Variants in ITGA9 observed in about 807,000 individuals in gnomAD.
ITGA9 encodes integrin subunit alpha 9.
In ITGA9, 56 loss-of-function variants were observed where a neutral mutation model predicts 127.8. The ratio of observed to expected loss-of-function variants is 0.44; its 90% CI spans 0.35 to 0.55. The LOEUF (loss-of-function observed/expected upper bound fraction) is 0.55. Ranked by LOEUF, ITGA9 falls within the 20% of genes least tolerant of loss-of-function variation. ITGA9 has a pLI of 0.00. For synonymous variants in ITGA9, 508 were observed against 514.5 expected, an observed-to-expected ratio of 0.99 and a Z score of 0.17; for missense variants, 1,196 against 1,347.1, an observed-to-expected ratio of 0.89 and a Z score of 1.76.
chr3:37,542,417 A>T lies in ITGA9; in HGVS notation c.1529-8A>T. The T allele has an allele frequency of 6.2e-7, 1 of 1,613,124 alleles. No homozygotes were observed. On this transcript the variant is annotated splice_polypyrimidine_tract_variant and splice_region_variant and intron_variant, in intron 14 of 27. Transcript: ENST00000264741. Reference sequence around the variant, plus strand: ...TTTCTGACATTTTGACCTCTCATTTATTGGCAGGCCTGAATTATGTTCTGA... The same window carrying T: ...TTTCTGACATTTTGACCTCTCATTTTTTGGCAGGCCTGAATTATGTTCTGA...
intron 4 of ITGA9, among the ~76,000 whole-genome samples, chr3:37,489,509 G>A (rs981348732): frequency 6.6e-5 from 10 of 152,028 alleles, no homozygotes; most frequent in African/African-American, 2.4e-4. Flanking sequence ...TAAGTTTCTG[G>A]CTTTATGCAC....
intron 1 of ITGA9, among the ~76,000 whole-genome samples, chr3:37,467,786 TC>T (rs1698387245): frequency 6.6e-6 from 1 of 152,104 alleles, no homozygotes; most frequent in Non-Finnish European, 1.5e-5. Context: ...TATTTTATGC[TC>T]CCCAGGTCTT....
At chr3:37,537,362 C>T (rs1041646571) in intron 14 of ITGA9, among the ~76,000 whole-genome samples, 26 of 152,272 alleles carry the variant, frequency 1.7e-4, no homozygotes, top group Admixed American at 6.5e-4. Context: ...CAGGCTCCCT[C>T]CGATGCTCCA....
intron 18 of ITGA9, among the ~76,000 whole-genome samples, chr3:37,685,838 C>A (rs1402918270): frequency 6.6e-6 from 1 of 152,148 alleles, no homozygotes; most frequent in East Asian, 1.9e-4. Flanking sequence ...AGAGCTGACC[C>A]CACTCTGTCA....
chr3:37,776,760 A>G (rs1211558162), intron 23 of ITGA9, among the ~76,000 whole-genome samples: 1 of 152,172 alleles, frequency 6.6e-6, no homozygotes, highest in Non-Finnish European at 1.5e-5. Flanking sequence ...GAGCTCGGCA[A>G]GCATGCAGGT....
At chr3:37,454,076 C>G (rs57948536) in intron 1 of ITGA9, among the ~76,000 whole-genome samples, 2 of 152,158 alleles carry the variant, frequency 1.3e-5, no homozygotes, top group South Asian at 4.1e-4. Context: ...ACCAGGCACG[C>G]GGGAAGCACT....
chr3:37,572,958 G>A (rs550266279), intron 15 of ITGA9, among the ~76,000 whole-genome samples: 1 of 152,274 alleles, frequency 6.6e-6, no homozygotes, highest in African/African-American at 2.4e-5. Flanking sequence ...CACATGTGAT[G>A]TTAATAACAA....
intron 7 of ITGA9, among the ~76,000 whole-genome samples, chr3:37,506,365 C>T (rs1698843939): frequency 2.6e-5 from 4 of 152,068 alleles, no homozygotes; most frequent in Admixed American, 2.0e-4. Context: ...AAGACTGAGC[C>T]CTGGCCTTAT....
At chr3:37,533,248 G>A (rs1699174249) in intron 13 of ITGA9, 66 bp from the exon 14 acceptor site, 7 of 1,439,958 alleles carry the variant, frequency 4.9e-6, no homozygotes, top group Admixed American at 3.3e-5. Flanking sequence ...TGTTGGTCTA[G>A]TTCTTGTTTG....
At chr3:37,495,608 A>ACC (rs1698719711) in intron 5 of ITGA9, among the ~76,000 whole-genome samples, 1 of 152,132 alleles carries the variant, frequency 6.6e-6, no homozygotes, top group Non-Finnish European at 1.5e-5. Context: ...CTCCATTATC[A>ACC]CCATCATGCT....
chr3:37,539,997 A>C (rs887380994), intron 14 of ITGA9, among the ~76,000 whole-genome samples: 2 of 152,212 alleles, frequency 1.3e-5, no homozygotes, highest in Admixed American at 1.3e-4. Context: ...AGCCCTCAGG[A>C]GAAGAGATGC....
chr3:37,639,550 G>T (rs1340054283), intron 16 of ITGA9, among the ~76,000 whole-genome samples: 1 of 152,152 alleles, frequency 6.6e-6, no homozygotes, highest in Non-Finnish European at 1.5e-5. Context: ...GAGGCCATCT[G>T]GACTGGAGAT....
intron 22 of ITGA9, chr3:37,748,233 C>A: frequency 2.1e-6 from 1 of 472,548 alleles, no homozygotes; most frequent in Non-Finnish European, 4.1e-6. Context: ...ACATTATAGA[C>A]ATCAAGGGAA....
intron 16 of ITGA9, among the ~76,000 whole-genome samples, chr3:37,633,014 C>T (rs140039729): frequency 1.3e-5 from 2 of 152,146 alleles, no homozygotes; most frequent in South Asian, 4.2e-4. Context: ...CCAGAAGGAG[C>T]AAGATGTGGG....
intron 18 of ITGA9, among the ~76,000 whole-genome samples, chr3:37,693,190 G>A (rs1700849576): frequency 6.6e-6 from 1 of 152,192 alleles, no homozygotes; most frequent in African/African-American, 2.4e-5. Context: ...ATAAGATGTT[G>A]CATTGTCTCT....
At chr3:37,789,614 A>AG (rs2125556084) in intron 26 of ITGA9, among the ~76,000 whole-genome samples, 1 of 150,880 alleles carries the variant, frequency 6.6e-6, no homozygotes, top group East Asian at 2.0e-4. Context: ...CCAAAAAAAA[A>AG]AAAAATGAGC....
At position 37,519,269 on chromosome 3, in the gene ITGA9, T is replaced by C; in HGVS notation, c.1151T>C (p.Ile384Thr). The change falls in exon 11 of 28, where the codon ATT (isoleucine) becomes ACT (threonine). Residue 384 changes from isoleucine (I) to threonine (T), a missense_variant. Coordinates refer to ENST00000264741, the MANE Select transcript of ITGA9 (RefSeq NM_002207.3). ...GTTTTTTTACCCTCAGATGTGGCCA[T>C]TGGTGCACCCAAGGAGGATGACTTC... ...LDNDGFPDVA[I>T]GAPKEDDFAG... 1 of 1,614,006 alleles carries C rather than the reference T, an allele frequency of 6.2e-7. No individual in the cohort carries two copies. Among genetic ancestry groups the C allele is most frequent in the Non-Finnish European group, 8.5e-7 (1 of 1,179,870 alleles).
chr3:37,643,261 T>C (rs182355035), intron 16 of ITGA9, among the ~76,000 whole-genome samples: 15 of 152,180 alleles, frequency 9.9e-5, no homozygotes, highest in African/African-American at 3.6e-4. Context: ...TAAATACTCT[T>C]TTCAAAGAGG....
intron 22 of ITGA9, among the ~76,000 whole-genome samples, chr3:37,747,716 C>CTTTTTT (rs56897652): frequency 2.2e-4 from 31 of 139,930 alleles, no homozygotes; most frequent in African/African-American, 5.1e-4. Flanking sequence ...CCTTTTTTTT[C>CTTTTTT]TTTTTTTTTT....
Sources: gnomAD v4.1 joint callset for allele counts (sites outside exome capture counted in the v4.1 genomes callset) on GRCh38, gnomAD v4.1.1 for gene constraint, MANE v1.5 for transcripts, NCBI Gene and HGNC (gene_info 2026-07-23, HGNC 2026-07-21) for gene names.